RNF114: variants seen among roughly 807,000 people sequenced by gnomAD.
The protein encoded by RNF114 is ring finger protein 114, also known as E3 ubiquitin-protein ligase RNF114.
A neutral mutation model predicts 28.4 loss-of-function variants in RNF114; 6 were observed. The ratio of observed to expected loss-of-function variants is 0.21; its 90% confidence interval spans 0.12 to 0.42. The LOEUF (loss-of-function observed/expected upper bound fraction) is 0.42, where lower values mean the gene tolerates loss of function less well. Among genes scored for constraint, RNF114 ranks in the 10% least tolerant of loss-of-function variants. RNF114 has a pLI of 1.00. For missense variants in RNF114, 249 were observed against 311.7 expected, an observed-to-expected ratio of 0.80 and a Z score of 1.51; for synonymous variants, 115 against 116.7, an observed-to-expected ratio of 0.99 and a Z score of 0.09.
intron 5 of RNF114, among the ~76,000 whole-genome samples, chr20:49,950,218 T>C (rs1440011774): frequency 1.3e-5 from 2 of 151,702 alleles, no homozygotes; most frequent in Non-Finnish European, 2.9e-5. Context: ...GCCACTGCAC[T>C]CCAGCCTGGG....
rs768133750 is a variant in RNF114 at position 49,936,456 on chromosome 20, C to T, written c.44C>T (p.Ala15Val). Residue 15 changes from alanine to valine, a missense_variant, in exon 1 of 6, where the codon GCG becomes GTG. Physicochemically the swap from Ala to Val is moderately conservative, Grantham distance 64. Around this residue, in one of 2 missense-constraint regions of RNF114, gnomAD observed 123 missense variants for 106.4 expected, o/e 1.16. Transcript: ENST00000244061. ...QRDCGGAAQL[A>V]GPAAEADPLG... Reference sequence around the variant, plus strand: ...GACTGCGGGGGTGCTGCGCAGCTGGCGGGGCCGGCGGCGGAGGCTGACCCC... The same window carrying T: ...GACTGCGGGGGTGCTGCGCAGCTGGTGGGGCCGGCGGCGGAGGCTGACCCC... The T allele has an allele frequency of 1.6e-5, 25 of 1,547,404 alleles. No individual in the cohort carries two copies. Among genetic ancestry groups the T allele is most frequent in the Non-Finnish European group, 1.7e-5 (19 of 1,147,652 alleles).
chr20:49,952,218 T>A lies in RNF114; in HGVS notation c.*77T>A. 1 of 1,271,540 alleles carries A rather than the reference T, an allele frequency of 7.9e-7. No individual in the cohort carries two copies. Among genetic ancestry groups the A allele is most frequent in the Non-Finnish European group, 1.2e-6 (1 of 868,042 alleles). The allele number at this position is 1,271,540 out of a possible 1,614,324, so 78.8% of individuals were successfully genotyped here. On this transcript the variant is annotated 3_prime_UTR_variant, in exon 6 of 6. Coordinates refer to ENST00000244061, the MANE Select transcript of RNF114 (RefSeq NM_018683.4). ...TTAAACGTGAAATCTATGACTCCTG[T>A]ACCTTACCTGTTCAACAGACCTGAA... is the stretch of plus-strand genomic sequence containing the variant.
rs773173342 is a variant in RNF114 at position 49,941,646 on chromosome 20, C to T, written c.226C>T (p.Arg76Ter). ...VCRSALAPGV[R>*]AVELERQIES... ...TCGCAGCGCTCTGGCACCTGGCGTC[C>T]GAGCCGTGGAGCTCGAGCGGCAGAT... Residue 76 changes from arginine to a stop codon, truncating the protein, a stop_gained, in exon 2 of 6, where the codon CGA becomes TGA. Coordinates refer to ENST00000244061, the MANE Select transcript of RNF114 (RefSeq NM_018683.4). LOFTEE classifies it high-confidence loss of function. 5.0e-6 allele frequency: 8 copies of T among 1,612,854 alleles called. No individual in the cohort carries two copies. Among genetic ancestry groups the T allele is most frequent in the East Asian group, 2.2e-5 (1 of 44,870 alleles).
intron 2 of RNF114, chr20:49,945,158 G>C: frequency 2.2e-6 from 1 of 452,438 alleles, no homozygotes. Flanking sequence ...TTATTTTAGA[G>C]TGGAAGTGGA....
rs1260114918 is a variant in RNF114 at position 49,947,789 on chromosome 20, T to G, written c.514-1459T>G. On this transcript the variant is annotated intron_variant, in intron 4 of 5. Transcript: ENST00000244061. ...TGCAAGTTTTTTTTTTTTTTTTTTT[T>G]TTTTTTTTTTTTTTTTTTTTGAGGC... Among the ~76,000 whole-genome samples the G allele has an allele frequency of 1.6e-3, 155 of 99,062 alleles. 2 individuals are homozygous for G. The highest frequency in any genetic ancestry group is 6.1e-3 in the African/African-American group (152 of 24,732). The allele number at this position is 99,062 out of a possible 152,430, so 65.0% of individuals were successfully genotyped here. A position where few individuals can be genotyped will look rare whatever the true frequency, so the allele number is the denominator to read the frequency against.
intron 5 of RNF114, 69 bp downstream of exon 5, chr20:49,949,424 AGGGGAAAT>A: frequency 6.9e-6 from 9 of 1,312,696 alleles, no homozygotes; most frequent in Non-Finnish European, 8.8e-6. Context: ...TCTTCTCAAA[AGGGGAAAT>A]GGGGATCCCC....
intron 1 of RNF114, among the ~76,000 whole-genome samples, chr20:49,938,747 G>T (rs1030126354): frequency 1.3e-5 from 2 of 152,220 alleles, no homozygotes; most frequent in African/African-American, 4.8e-5. Context: ...GGTAGTTTGG[G>T]CATGTCTCAG....
rs564138097 is a variant in RNF114, at chr20:49,952,626, T to G, written c.*485T>G. 1 of 190,688 alleles carries G rather than the reference T, an allele frequency of 5.2e-6. No homozygotes were observed. Among genetic ancestry groups the G allele is most frequent in the Non-Finnish European group, 1.1e-5 (1 of 93,384 alleles). The allele number at this position is 190,688 out of a possible 1,614,324, so 11.8% of individuals were successfully genotyped here. A position where few individuals can be genotyped will look rare whatever the true frequency, so the allele number is the denominator to read the frequency against. On this transcript the variant is annotated 3_prime_UTR_variant, in exon 6 of 6. Transcript: ENST00000244061. ...CAGAGCTGAAGCTCCCGCTGGGCTG[T>G]GGGGTTGCCAGAAGCTGGGGTTGCC...
At chr20:49,941,990 C>T (rs899280984) in intron 2 of RNF114, 4 of 354,548 alleles carry the variant, frequency 1.1e-5, no homozygotes, top group Non-Finnish European at 1.5e-5. Context: ...TATGGCCAGG[C>T]GCGGTGGCTC....
At chr20:49,941,901 A>C in intron 2 of RNF114, 190 bp downstream of exon 2, 1 of 534,290 alleles carries the variant, frequency 1.9e-6, no homozygotes, top group Non-Finnish European at 3.2e-6. Context: ...TTCTTTTTTT[A>C]AGAGTTGGTT....
intron 5 of RNF114, among the ~76,000 whole-genome samples, chr20:49,951,014 G>C (rs1293738079): frequency 6.6e-6 from 1 of 152,126 alleles, no homozygotes; most frequent in Non-Finnish European, 1.5e-5. Context: ...TCTTTCCCTA[G>C]AGCTGGATGG....
At chr20:49,941,897 T>A (rs2090309498) in intron 2 of RNF114, 186 bp downstream of exon 2, 2 of 540,490 alleles carry the variant, frequency 3.7e-6, no homozygotes, top group Non-Finnish European at 6.3e-6. Context: ...TTGTTTCTTT[T>A]TTTAAGAGTT....
chr20:49,951,989 A>G (rs2090357002), intron 5 of RNF114, 87 bp from the exon 6 acceptor site: 4 of 1,126,756 alleles, frequency 3.6e-6, no homozygotes, highest in Admixed American at 3.5e-5. Flanking sequence ...CTCCGGATCC[A>G]GTTGCTAGGC....
chr20:49,947,778 T>TGTTTGG (rs2090339152), intron 4 of RNF114, among the ~76,000 whole-genome samples: 1 of 23,330 alleles, frequency 4.3e-5, no homozygotes, highest in African/African-American at 1.9e-4. Context: ...AGTTTTTTTT[T>TGTTTGG]TTTTTTTTTT....
chr20:49,951,225 C>T (rs1441872176), intron 5 of RNF114, among the ~76,000 whole-genome samples: 2 of 151,926 alleles, frequency 1.3e-5, no homozygotes, highest in East Asian at 3.9e-4. Flanking sequence ...CTCAGTCTGA[C>T]AGTGTCTGAA....
rs1337419637 is a variant in RNF114, at chr20:49,952,110, A to G, written c.656A>G (p.Gln219Arg). The change falls in exon 6 of 6, where the codon CAG becomes CGG. Residue 219 changes from glutamine (Q) to arginine (R), a missense_variant. By Grantham distance (43) the Gln-to-Arg change is conservative. Around this residue, in one of 2 missense-constraint regions of RNF114, gnomAD observed 126 missense variants for 205.3 expected, o/e 0.61. Coordinates refer to ENST00000244061, the MANE Select transcript of RNF114 (RefSeq NM_018683.4). ...YDVDEEDMMNQVLQRSIIDQ is the reference protein window; with the variant it reads ...YDVDEEDMMNRVLQRSIIDQ ...GTTGATGAAGAGGACATGATGAATC[A>G]GGTGTTGCAGCGCTCCATCATCGAC... 8.7e-6 allele frequency: 14 copies of G among 1,613,520 alleles called. No homozygotes were observed. The South Asian group carries it at 1.2e-4, about 14-fold the overall frequency.
At chr20:49,942,132 A>G (rs2090310368) in intron 2 of RNF114, among the ~76,000 whole-genome samples, 1 of 152,008 alleles carries the variant, frequency 6.6e-6, no homozygotes, top group Admixed American at 6.5e-5. Flanking sequence ...GGTGGTATGT[A>G]CCTGTAGGCC....
At chr20:49,939,902 A>T (rs1172700846) in intron 1 of RNF114, among the ~76,000 whole-genome samples, 2 of 151,824 alleles carry the variant, frequency 1.3e-5, no homozygotes, top group African/African-American at 4.8e-5. Context: ...TAAAAATATA[A>T]AATTAGCTGG....
chr20:49,947,917 G>A (rs181762672), intron 4 of RNF114, among the ~76,000 whole-genome samples: 1,870 of 150,352 alleles, frequency 0.012, 28 homozygotes, highest in Non-Finnish European at 0.018. Context: ...TCAGCCTCCC[G>A]TGTAGCTGGG....
Sources: allele counts gnomAD v4.1 joint callset (sites outside exome capture counted in the v4.1 genomes callset), GRCh38; gene constraint gnomAD v4.1.1; regional missense constraint gnomAD v4.1.1; transcripts MANE v1.5; gene names NCBI Gene and HGNC (gene_info 2026-07-23, HGNC 2026-07-21).